The following FAM163A variants were observed in gnomAD, a reference collection of about 807,000 sequenced individuals.
The protein encoded by FAM163A is family with sequence similarity 163 member A.
Under a neutral mutation model 12.0 loss-of-function variants are expected in FAM163A, and 7 were observed. The observed-to-expected ratio is 0.58, with a 90% CI of 0.33 to 1.10. The LOEUF (loss-of-function observed/expected upper bound fraction) is 1.10, where lower values mean the gene tolerates loss of function less well. Ranked by LOEUF, FAM163A falls within the 50% of genes least tolerant of loss-of-function variation. The probability of loss-of-function intolerance (pLI) is 0.03; values close to 1 mark genes in which losing one functional copy is unlikely to be tolerated. For synonymous variants in FAM163A, 101 were observed against 91.0 expected, an observed-to-expected ratio of 1.11 and a Z score of -0.62; for missense variants, 202 against 218.6, an observed-to-expected ratio of 0.92 and a Z score of 0.48.
chr1:179,757,227 G>A (rs1686150664), intron 1 of FAM163A, among the ~76,000 whole-genome samples: 1 of 152,216 alleles, frequency 6.6e-6, no homozygotes, highest in African/African-American at 2.4e-5. Context: ...GCTTGACCAT[G>A]TCCTTGGACC....
At chr1:179,736,246 C>G in the FAM163A span, among the ~76,000 whole-genome samples, 1 of 151,980 alleles carries the variant, frequency 6.6e-6, no homozygotes, top group East Asian at 1.9e-4. Context: ...AAAAGGTAAC[C>G]TTGGAAAGAG....
At chr1:179,734,759 G>A in the FAM163A span, among the ~76,000 whole-genome samples, 3 of 152,160 alleles carry the variant, frequency 2.0e-5, no homozygotes, top group African/African-American at 4.8e-5. Flanking sequence ...TAAACATTCA[G>A]TCCATTGCAG....
At chr1:179,775,691 A>T (rs1571421520) in intron 1 of FAM163A, among the ~76,000 whole-genome samples, 1 of 152,204 alleles carries the variant, frequency 6.6e-6, no homozygotes, top group East Asian at 1.9e-4. Flanking sequence ...CAACACTCAC[A>T]TTCAGTATTC....
chr1:179,739,453 C>T (rs1402385079), upstream of FAM163A, among the ~76,000 whole-genome samples: 3 of 152,222 alleles, frequency 2.0e-5, no homozygotes, highest in Non-Finnish European at 2.9e-5. Flanking sequence ...GGCCCACTGG[C>T]CACAAGCCTC....
chr1:179,786,202 A>G (rs972627505), intron 1 of FAM163A, among the ~76,000 whole-genome samples: 2 of 152,242 alleles, frequency 1.3e-5, no homozygotes, highest in Non-Finnish European at 1.5e-5. Flanking sequence ...AACACATCAC[A>G]AAAGGCTCCC....
At chr1:179,756,330 G>A (rs1461469747) in intron 1 of FAM163A, among the ~76,000 whole-genome samples, 7 of 152,196 alleles carry the variant, frequency 4.6e-5, no homozygotes, top group Non-Finnish European at 8.8e-5. Flanking sequence ...AATGTCTATA[G>A]AGGAAGAGAC....
chr1:179,781,997 G>A (rs1157044545), intron 1 of FAM163A, among the ~76,000 whole-genome samples: 1 of 150,518 alleles, frequency 6.6e-6, no homozygotes. Flanking sequence ...CCAGTTCCCT[G>A]TGATGAGCAC....
chr1:179,786,420 AG>A (rs1690639627), intron 1 of FAM163A, among the ~76,000 whole-genome samples: 1 of 152,226 alleles, frequency 6.6e-6, no homozygotes, highest in Non-Finnish European at 1.5e-5. Flanking sequence ...TCTGGGCTGC[AG>A]GCCTGAGTGC....
chr1:179,731,693 C>T, the FAM163A span, among the ~76,000 whole-genome samples: 1 of 152,148 alleles, frequency 6.6e-6, no homozygotes, highest in Non-Finnish European at 1.5e-5. Flanking sequence ...TGGAACAACC[C>T]CTCATAACTC....
intron 1 of FAM163A, among the ~76,000 whole-genome samples, chr1:179,785,577 C>T (rs1332453095): frequency 1.3e-5 from 2 of 152,084 alleles, no homozygotes; most frequent in Non-Finnish European, 2.9e-5. Context: ...TAAAAATGAT[C>T]TCTTCACAAT....
At chr1:179,802,619 C>T (rs552082943) in intron 1 of FAM163A, among the ~76,000 whole-genome samples, 2 of 152,298 alleles carry the variant, frequency 1.3e-5, no homozygotes, top group South Asian at 4.2e-4. Context: ...TTTCATGGGC[C>T]ATGTGTGTAC....
At chr1:179,748,252 T>TC (rs1238837234) in intron 1 of FAM163A, among the ~76,000 whole-genome samples, 1 of 152,166 alleles carries the variant, frequency 6.6e-6, no homozygotes, top group African/African-American at 2.4e-5. Flanking sequence ...GCTCTAATTT[T>TC]CCCCAAATAA....
At chr1:179,811,271 G>A (rs1224256513) in intron 2 of FAM163A, among the ~76,000 whole-genome samples, 1 of 152,176 alleles carries the variant, frequency 6.6e-6, no homozygotes, top group East Asian at 1.9e-4. Flanking sequence ...CTTAACAGCT[G>A]GTGGCAGGAA....
chr1:179,747,700 G>T (rs913277469), intron 1 of FAM163A, among the ~76,000 whole-genome samples: 1 of 152,182 alleles, frequency 6.6e-6, no homozygotes, highest in African/African-American at 2.4e-5. Context: ...CAGCACAGGC[G>T]CAACTGCATC....
upstream of FAM163A, among the ~76,000 whole-genome samples, chr1:179,740,683 A>G (rs900383317): frequency 6.6e-6 from 1 of 152,214 alleles, no homozygotes; most frequent in Non-Finnish European, 1.5e-5. Context: ...AAAATGTACC[A>G]TTTTACATTT....
intron 1 of FAM163A, among the ~76,000 whole-genome samples, chr1:179,798,221 CA>C (rs556124777): frequency 3.4e-5 from 5 of 147,146 alleles, no homozygotes; most frequent in East Asian, 3.9e-4. Flanking sequence ...GACTCCATCT[CA>C]AAAAAAAAAG....
chr1:179,732,880 CAAAAAAAAAA>C, the FAM163A span, among the ~76,000 whole-genome samples: 6 of 39,148 alleles, frequency 1.5e-4, no homozygotes, highest in African/African-American at 3.0e-4. Flanking sequence ...GACTCTGCCT[CAAAAAAAAAA>C]AAAAAAAAAA....
In FAM163A at chr1:179,760,432, T is replaced by C. The variant is rs545277917; in HGVS notation, c.-136+17009T>C. Among the ~76,000 whole-genome samples, 4 of 152,206 alleles carry C rather than the reference T, an allele frequency of 2.6e-5. No individual in the cohort carries two copies. The East Asian group carries it at 7.7e-4, about 29-fold the overall frequency. On this transcript the variant is annotated intron_variant, in intron 1 of 4. Transcript: ENST00000341785. ...GGTGTTGAAGTCATGGAAGGGAAGC[T>C]AATCTAACTCAGGGGAAGGGGAGAT...
Position 179,813,111 on chromosome 1 carries a change from C to T in FAM163A, c.14C>T (p.Thr5Met), listed in dbSNP as rs906615434. The T allele has an allele frequency of 1.3e-6, 2 of 1,551,698 alleles. No individual in the cohort carries two copies. The highest frequency in any genetic ancestry group is 8.7e-7 in the Non-Finnish European group (1 of 1,147,048). Residue 5 changes from threonine to methionine, a missense_variant, in exon 4 of 5, where the codon ACG becomes ATG. By Grantham distance (81) the Thr-to-Met change is moderately conservative. Transcript: ENST00000341785. ...GGCGCCGGGCGGATGACAGCGGGAA[C>T]GGTTGTGATCACTGGCGGAATCCTA... MTAG[T>M]VVITGGILAT... is the part of the protein sequence containing the mutation.
Sources: allele counts gnomAD v4.1 joint callset (sites outside exome capture counted in the v4.1 genomes callset), GRCh38; gene constraint gnomAD v4.1.1; transcripts MANE v1.5; gene names NCBI Gene and HGNC (gene_info 2026-07-23, HGNC 2026-07-21).